TMCO1: variants seen among roughly 807,000 people sequenced by gnomAD.
The protein encoded by TMCO1 is calcium load-activated calcium channel.
A neutral mutation model predicts 29.3 loss-of-function variants in TMCO1; 29 were observed. That is an observed-to-expected ratio of 0.99 (90% confidence interval 0.74 to 1.35). TMCO1 has a LOEUF of 1.35. TMCO1 is among the 40% of genes most tolerant of loss of function. TMCO1 has a pLI of 0.00. For missense variants in TMCO1, 173 were observed against 225.5 expected, an observed-to-expected ratio of 0.77 and a Z score of 1.49; for synonymous variants, 80 against 77.1, an observed-to-expected ratio of 1.04 and a Z score of -0.20.
intron 6 of TMCO1, among the ~76,000 whole-genome samples, chr1:165,731,001 G>A (rs759421584): frequency 2.6e-5 from 4 of 151,872 alleles, no homozygotes; most frequent in Admixed American, 6.6e-5. Context: ...CCAGGTTCAA[G>A]CGATCCTCCT....
chr1:165,768,146 T>A, intron 2 of TMCO1, 46 bp downstream of exon 2: 1 of 1,446,546 alleles, frequency 6.9e-7, no homozygotes, highest in East Asian at 2.3e-5. Flanking sequence ...ATGGACTTAA[T>A]GAGCTTGACG....
chr1:165,739,710 C>A (rs768790279), intron 6 of TMCO1, among the ~76,000 whole-genome samples: 2 of 151,322 alleles, frequency 1.3e-5, no homozygotes, highest in Non-Finnish European at 2.9e-5. Flanking sequence ...TTCTTAACAA[C>A]ATTTATTTCA....
At chr1:165,747,555 TA>T (rs1217023971) in intron 5 of TMCO1, among the ~76,000 whole-genome samples, 5 of 152,138 alleles carry the variant, frequency 3.3e-5, no homozygotes, top group Non-Finnish European at 7.4e-5. Flanking sequence ...TTTGAAAGAA[TA>T]AGTGCCCCAG....
chr1:165,755,876 C>G (rs945928377), intron 3 of TMCO1, among the ~76,000 whole-genome samples: 6 of 152,014 alleles, frequency 3.9e-5, no homozygotes, highest in Non-Finnish European at 8.8e-5. Context: ...TCTCCCATGA[C>G]CTATGACATA....
At chr1:165,762,711 T>C (rs1257865793) in intron 2 of TMCO1, among the ~76,000 whole-genome samples, 1 of 152,228 alleles carries the variant, frequency 6.6e-6, no homozygotes, top group Non-Finnish European at 1.5e-5. Flanking sequence ...TATTCCTGCA[T>C]TCTAAATTCC....
chr1:165,753,052 C>T (rs891019127), intron 4 of TMCO1, among the ~76,000 whole-genome samples: 2 of 152,070 alleles, frequency 1.3e-5, no homozygotes, highest in Non-Finnish European at 2.9e-5. Context: ...TATAATTAGC[C>T]TATCTATGCT....
intron 6 of TMCO1, among the ~76,000 whole-genome samples, chr1:165,736,483 C>T (rs568949514): frequency 3.7e-4 from 57 of 152,114 alleles, no homozygotes; most frequent in Non-Finnish European, 6.9e-4. Flanking sequence ...TTTGGGAGGC[C>T]GAGGCAGGTG....
chr1:165,748,341 T>G (rs1385320606), intron 5 of TMCO1, among the ~76,000 whole-genome samples: 2 of 152,096 alleles, frequency 1.3e-5, no homozygotes, highest in Non-Finnish European at 2.9e-5. Context: ...AGCAGGCTAT[T>G]GTGATACCAA....
At chr1:165,744,107 C>T (rs149777163) in intron 5 of TMCO1, among the ~76,000 whole-genome samples, 1 of 152,206 alleles carries the variant, frequency 6.6e-6, no homozygotes, top group African/African-American at 2.4e-5. Context: ...ATCCGCCTGC[C>T]TCAGCCTCTC....
At position 165,752,176 on chromosome 1, in the gene TMCO1, T is replaced by C. The variant is rs1321209314; in HGVS notation, c.256-7A>G. On this transcript the variant is annotated splice_polypyrimidine_tract_variant and splice_region_variant and intron_variant, in intron 4 of 6. Transcript: ENST00000367881. ...ACATGGATTTCATTCGAACCTGTAA[T>C]GAGACGAACAAATTGTCATTTTACA... 1.9e-6 allele frequency: 3 copies of C among 1,610,846 alleles called. No individual in the cohort carries two copies. The African/African-American group carries it at 4.0e-5, about 22-fold the overall frequency.
At chr1:165,764,716 CTGGACCTTACAGGCCACATG>C (rs1407840154) in intron 2 of TMCO1, among the ~76,000 whole-genome samples, 1 of 152,102 alleles carries the variant, frequency 6.6e-6, no homozygotes, top group African/African-American at 2.4e-5. Flanking sequence ...CTGTGCTGTG[CTGGACCTTACAGGCCACATG>C]TTTATCCTAA....
At chr1:165,724,785 AT>A, downstream of TMCO1, 1 of 453,918 alleles carries the variant, frequency 2.2e-6, no homozygotes. Flanking sequence ...GGAATTGTCC[AT>A]TTTCTTAGGT....
chr1:165,766,877 T>A (rs1652589879), intron 2 of TMCO1, among the ~76,000 whole-genome samples: 1 of 152,190 alleles, frequency 6.6e-6, no homozygotes, highest in Non-Finnish European at 1.5e-5. Flanking sequence ...GTTTCTGGCT[T>A]ACACTACTGG....
chr1:165,746,376 T>G (rs558446972), intron 5 of TMCO1, among the ~76,000 whole-genome samples: 89 of 150,992 alleles, frequency 5.9e-4, no homozygotes, highest in African/African-American at 2.1e-3. Flanking sequence ...CTGATTATAA[T>G]GAAGCTTTCA....
intron 6 of TMCO1, 92 bp downstream of exon 6, chr1:165,743,075 G>C: frequency 2.0e-6 from 3 of 1,479,058 alleles, no homozygotes; most frequent in Non-Finnish European, 2.8e-6. Context: ...CAGGAACAAT[G>C]GGTAAACATT....
chr1:165,745,300 G>C (rs1034435925), intron 5 of TMCO1, among the ~76,000 whole-genome samples: 1 of 148,380 alleles, frequency 6.7e-6, no homozygotes, highest in African/African-American at 2.5e-5. Flanking sequence ...TGGGATTATA[G>C]GAATGAGCCA....
chr1:165,746,097 T>C (rs1018135534), intron 5 of TMCO1, among the ~76,000 whole-genome samples: 2 of 151,918 alleles, frequency 1.3e-5, no homozygotes, highest in African/African-American at 4.8e-5. Flanking sequence ...CTGGCCAATA[T>C]GGTGGAACCC....
chr1:165,766,415 T>C (rs1164444889), intron 2 of TMCO1, among the ~76,000 whole-genome samples: 1 of 152,108 alleles, frequency 6.6e-6, no homozygotes, highest in African/African-American at 2.4e-5. Context: ...GAAGTGAATG[T>C]AGAGAAAAAA....
At chr1:165,759,867 G>C (rs529476558) in intron 2 of TMCO1, among the ~76,000 whole-genome samples, 41 of 152,282 alleles carry the variant, frequency 2.7e-4, no homozygotes, top group African/African-American at 9.1e-4. Flanking sequence ...AGCTGAGGAT[G>C]ATTACCTTAG....
Sources: allele counts gnomAD v4.1 joint callset (sites outside exome capture counted in the v4.1 genomes callset), GRCh38; gene constraint gnomAD v4.1.1; transcripts MANE v1.5; gene names NCBI Gene and HGNC (gene_info 2026-07-23, HGNC 2026-07-21).